The following KMT2D variants were observed in gnomAD, a reference collection of about 807,000 sequenced individuals.
KMT2D encodes lysine methyltransferase 2D, also known as histone-lysine N-methyltransferase 2D.
Under a neutral mutation model 512.7 loss-of-function variants are expected in KMT2D, and 55 were observed. That is an observed-to-expected ratio of 0.11 (90% CI 0.09 to 0.13). KMT2D has a LOEUF of 0.13. Ranked by LOEUF, KMT2D falls within the 10% of genes least tolerant of loss-of-function variation. The probability of loss-of-function intolerance (pLI) is 1.00; values close to 1 mark genes in which losing one functional copy is unlikely to be tolerated. For synonymous variants in KMT2D, 2,995 were observed against 2,904.0 expected, an observed-to-expected ratio of 1.03 and a Z score of -1.01; for missense variants, 6,061 against 7,127.9, an observed-to-expected ratio of 0.85 and a Z score of 5.39.
chr12:49,050,973 C>A lies in KMT2D; in HGVS notation c.2710G>T (p.Gly904Trp), dbSNP rs2120660961. 6.4e-7 allele frequency: 1 copy of A among 1,562,270 alleles called. No individual in the cohort carries two copies. The highest frequency in any genetic ancestry group is 1.2e-5 in the South Asian group (1 of 82,310). ...LLGEPALSEP[G>W]EPPLSPLPEE... is the part of the protein sequence containing the mutation. The stretch of plus-strand genomic sequence containing the variant: ...GGCAGAGGGGACAGAGGTGGTTCCC[C>A]AGGCTCAGACAGGGCTGGCTCTCCA... Residue 904 changes from glycine (G) to tryptophan (W), a missense_variant, in exon 11 of 55, where the codon GGG becomes TGG. Gly to Trp is a radical substitution (Grantham distance 184, BLOSUM62 -2). This residue lies in a region of KMT2D where 848 missense variants were observed against 838.5 expected (regional missense o/e 1.01). Transcript: ENST00000301067.
rs1943417407 is a variant in KMT2D, at chr12:49,039,928, C to T, written c.7842G>A (p.Ser2614=). 3.1e-6 allele frequency: 5 copies of T among 1,613,948 alleles called. No homozygotes were observed. Among genetic ancestry groups the T allele is most frequent in the East Asian group, 2.2e-5 (1 of 44,864 alleles). The stretch of plus-strand genomic sequence containing the variant: ...CGTCGGGTGCAGGTGGTGGCAGAAC[C>T]GACGGAGGGCGTAGTGGGGACAGCC... The part of the protein sequence containing the change: ...SYGLSPLRPP[S]VLPPPAPDGS... The change falls in exon 32 of 55, where the codon TCG becomes TCA. Residue 2614 remains serine (S), a synonymous_variant. Transcript: ENST00000301067. The surrounding 1 kb of genome is among the most constrained non-coding windows in gnomAD (Gnocchi z 5.0).
rs886042253 is a variant in KMT2D, at chr12:49,032,992, G to C, written c.11713C>G (p.Gln3905Glu). 1.3e-6 allele frequency: 2 copies of C among 1,551,346 alleles called. No individual in the cohort carries two copies. The highest frequency in any genetic ancestry group is 1.7e-6 in the Non-Finnish European group (2 of 1,146,938). Residue 3905 changes from glutamine (Q) to glutamate (E), a missense_variant, in exon 40 of 55, where the codon CAG becomes GAG. Gln to Glu is a conservative substitution (Grantham distance 29). Coordinates refer to ENST00000301067, the MANE Select transcript of KMT2D (RefSeq NM_003482.4). ...GSLQQLQQQQ[Q>E]LQQQQQLQQQ... ...TGAAGTTGCTGTTGCTGTTGCAGCT[G>C]CTGCTGCTGCTGAAGCTGCTGTAAA...
intron 1 of KMT2D, among the ~76,000 whole-genome samples, chr12:49,056,253 T>C (rs929724473): frequency 6.6e-6 from 1 of 151,826 alleles, no homozygotes; most frequent in African/African-American, 2.4e-5. Flanking sequence ...CACAGCGGAG[T>C]AGCTTCCTTC....
rs557789686 is a variant in KMT2D at position 49,041,249 on chromosome 12, T to C, written c.6521A>G (p.Gln2174Arg). ...GGCAGGGGCCAGTCCAAAGGGGTCC[T>C]GCGAAGGCACTTGGGCGGGCACCTG... ...PPQVPAQVPS[Q>R]DPFGLAPAYP... Residue 2174 changes from glutamine (Q) to arginine (R), a missense_variant, in exon 32 of 55, where the codon CAG (glutamine) becomes CGG (arginine). By Grantham distance (43) the Gln-to-Arg change is conservative (BLOSUM62 1). Transcript: ENST00000301067. The surrounding 1 kb of genome is among the most constrained non-coding windows in gnomAD (Gnocchi z 5.4). 19 of 1,516,320 alleles carry C rather than the reference T, an allele frequency of 1.3e-5. No homozygotes were observed. The African/African-American group carries it at 1.4e-4, about 11-fold the overall frequency. 93.9% of individuals were successfully genotyped at this position (1,516,320 alleles called of 1,614,324 possible).
chr12:49,045,505 G>C (rs1450874631), intron 19 of KMT2D, among the ~76,000 whole-genome samples: 1 of 152,080 alleles, frequency 6.6e-6, no homozygotes, highest in African/African-American at 2.4e-5. Flanking sequence ...TTAGCCGGGC[G>C]TGGTGGCGGG....
intron 35 of KMT2D, chr12:49,035,712 A>T (rs4760656): frequency 0.068 from 10,420 of 152,246 alleles, 721 homozygotes; most frequent in East Asian, 0.27. Context: ...GGTGCCCACC[A>T]CCAAGCCCAG....
At chr12:49,043,049 A>T in intron 26 of KMT2D, 27 bp downstream of exon 26, 2 of 1,594,636 alleles carry the variant, frequency 1.3e-6, no homozygotes, top group Non-Finnish European at 1.7e-6. Context: ...ACCCTTATAC[A>T]CAAAGAGGTA....
chr12:49,042,335 G>A lies in KMT2D; in HGVS notation c.5868-5C>T, dbSNP rs994529410. 2.0e-6 allele frequency: 3 copies of A among 1,520,556 alleles called. No individual in the cohort carries two copies. The highest frequency in any genetic ancestry group is 2.6e-6 in the Non-Finnish European group (3 of 1,133,608). The allele number at this position is 1,520,556 out of a possible 1,614,324, so 94.2% of individuals were successfully genotyped here. The stretch of plus-strand genomic sequence containing the variant: ...CTAAAGAAGCCCCCGCGCTCCCTGG[G>A]GCGCAGGGGCAGAGAGTCACAGGGC... On this transcript the variant is annotated splice_polypyrimidine_tract_variant and splice_region_variant and intron_variant, in intron 28 of 54. Transcript: ENST00000301067. The surrounding 1 kb of genome is among the most constrained non-coding windows in gnomAD (Gnocchi z 4.4).
In KMT2D at chr12:49,049,983, G is replaced by C. The variant is rs747921403; in HGVS notation, c.3605C>G (p.Ser1202Cys). The C allele has an allele frequency of 1.2e-6, 2 of 1,613,942 alleles. No homozygotes were observed. Among genetic ancestry groups the C allele is most frequent in the South Asian group, 2.2e-5 (2 of 91,078 alleles). ...ATTAGAGATCTCGTTAACGATGTCG[G>C]ATTTGATGAGAGTGGGTGGTGTGGG... ...VAPTPPTLIKSDIVNEISNLS... is the reference protein window; with the variant it reads ...VAPTPPTLIKCDIVNEISNLS... The change falls in exon 12 of 55, where the codon TCC (serine) becomes TGC (cysteine). Residue 1202 changes from serine to cysteine, a missense_variant. Physicochemically the swap from Ser to Cys is moderately radical, Grantham distance 112. Coordinates refer to ENST00000301067, the MANE Select transcript of KMT2D (RefSeq NM_003482.4).
Position 49,037,597 on chromosome 12 carries a change from C to T in KMT2D, c.9759G>A (p.Leu3253=), listed in dbSNP as rs1943283913. The change falls in exon 35 of 55, where the codon TTG becomes TTA. Residue 3253 remains leucine, a synonymous_variant. Coordinates refer to ENST00000301067, the MANE Select transcript of KMT2D (RefSeq NM_003482.4). The part of the protein sequence containing the change: ...SELPLLIEDL[L]EHEKKELQKK... ...TCTGCAGCTCCTTCTTCTCATGCTCCAACAGGTCCTCAATGAGCAGGGGTA... is the reference window on the plus strand; with the variant it reads ...TCTGCAGCTCCTTCTTCTCATGCTCTAACAGGTCCTCAATGAGCAGGGGTA... 6.4e-7 allele frequency: 1 copy of T among 1,556,862 alleles called. No homozygotes were observed. The highest frequency in any genetic ancestry group is 8.7e-7 in the Non-Finnish European group (1 of 1,150,056).
Position 49,038,368 on chromosome 12 carries a change from A to G in KMT2D, c.8988T>C (p.Asp2996=), listed in dbSNP as rs1362853155. Residue 2996 remains aspartate (D), a synonymous_variant, in exon 35 of 55, where the codon GAT becomes GAC. Coordinates refer to ENST00000301067, the MANE Select transcript of KMT2D (RefSeq NM_003482.4). This position sits in a 1 kb window ranked among gnomAD's most constrained non-coding sequence, Gnocchi z 5.7. ...CCTCTAGGGCCTTGTGGGCATCAAA[A>G]TCGTCATCCAGCTCGGGATCCTCAC... is the stretch of plus-strand genomic sequence containing the variant. The part of the protein sequence containing the change: ...LPCEDPELDD[D]FDAHKALEDD... 9 of 1,613,666 alleles carry G rather than the reference A, an allele frequency of 5.6e-6. No homozygotes were observed. The highest frequency in any genetic ancestry group is 7.6e-6 in the Non-Finnish European group (9 of 1,179,874).
At chr12:49,052,540 C>A (rs1264412417) in intron 10 of KMT2D, 24 bp downstream of exon 10, 1 of 1,609,372 alleles carries the variant, frequency 6.2e-7, no homozygotes, top group Admixed American at 1.7e-5. Flanking sequence ...GGATGAATTT[C>A]AGGGACCCTC....
chr12:49,029,684 T>G (rs969180362), intron 43 of KMT2D, among the ~76,000 whole-genome samples: 15 of 151,508 alleles, frequency 9.9e-5, no homozygotes, highest in South Asian at 6.2e-4. Flanking sequence ...TTTGTTTTTT[T>G]TTTTTTTTTC....
At position 49,033,745 on chromosome 12, in the gene KMT2D, C is replaced by G; in HGVS notation, c.10960G>C (p.Gly3654Arg). The change falls in exon 40 of 55, where the codon GGT becomes CGT. Residue 3654 changes from glycine (G) to arginine (R), a missense_variant. By Grantham distance (125) the Gly-to-Arg change is moderately radical. Coordinates refer to ENST00000301067, the MANE Select transcript of KMT2D (RefSeq NM_003482.4). ...PQGPPGGQAG[G>R]LRLTPGGMAL... ...ATACCCCCAGGGGTCAGGCGAAGAC[C>G]TCCGGCTTGCCCACCCGGAGGCCCC... The G allele has an allele frequency of 6.2e-7, 1 of 1,612,950 alleles. No individual in the cohort carries two copies. Among genetic ancestry groups the G allele is most frequent in the Non-Finnish European group, 8.5e-7 (1 of 1,179,628 alleles).
Position 49,039,028 on chromosome 12 carries a change from T to A in KMT2D, c.8367-39A>T, listed in dbSNP as rs2120508128. 1 of 1,548,670 alleles carries A rather than the reference T, an allele frequency of 6.5e-7. No individual in the cohort carries two copies. The highest frequency in any genetic ancestry group is 2.0e-5 in the Admixed American group (1 of 51,154). ...CAGTAGTCAGTAGGATGAAATCAGA[T>A]GAAAAGGAGCAAGAACATGGGCTTA... On this transcript the variant is annotated intron_variant, in intron 34 of 54. Transcript: ENST00000301067. This position sits in a 1 kb window ranked among gnomAD's most constrained non-coding sequence, Gnocchi z 5.0.
rs755192379 is a variant in KMT2D, at chr12:49,031,177, C to G, written c.13528G>C (p.Glu4510Gln). 3.1e-5 allele frequency: 50 copies of G among 1,607,524 alleles called. No homozygotes were observed. The highest frequency in any genetic ancestry group is 4.3e-5 in the Non-Finnish European group (50 of 1,175,934). The change falls in exon 40 of 55, where the codon GAG becomes CAG. Residue 4510 changes from glutamate to glutamine, a missense_variant and splice_region_variant. Physicochemically the swap from Glu to Gln is conservative, Grantham distance 29. This residue lies in a region of KMT2D where 1,600 missense variants were observed against 1,754.9 expected (regional missense o/e 0.91). Coordinates refer to ENST00000301067, the MANE Select transcript of KMT2D (RefSeq NM_003482.4). Reference sequence around the variant, plus strand: ...TCCACTCTACTCAGAGTACTCACCTCCTTGTTGCTGGGGGTACCCTGTAGT... The same window carrying G: ...TCCACTCTACTCAGAGTACTCACCTGCTTGTTGCTGGGGGTACCCTGTAGT... ...QKLQGTPSNKEDAAARKPLTP... is the reference protein window; with the variant it reads ...QKLQGTPSNKQDAAARKPLTP...
chr12:49,041,865 T>C lies in KMT2D; in HGVS notation c.6183+52A>G. On this transcript the variant is annotated intron_variant, in intron 30 of 54. Transcript: ENST00000301067. The surrounding 1 kb of genome is among the most constrained non-coding windows in gnomAD (Gnocchi z 5.4). ...AGAACTGAGGTAAATTACCCAAAGATCCCTCCCTCCCTCTCAGTTCCCACG... is the reference window on the plus strand; with the variant it reads ...AGAACTGAGGTAAATTACCCAAAGACCCCTCCCTCCCTCTCAGTTCCCACG... The C allele has an allele frequency of 2.6e-6, 4 of 1,545,354 alleles. No homozygotes were observed. The highest frequency in any genetic ancestry group is 2.6e-6 in the Non-Finnish European group (3 of 1,135,926).
At chr12:49,053,139 T>C in intron 8 of KMT2D, 67 bp from the exon 9 acceptor site, 4 of 1,611,640 alleles carry the variant, frequency 2.5e-6, no homozygotes, top group Non-Finnish European at 3.4e-6. Flanking sequence ...AGTACACAAC[T>C]TGTCAAGACA....
Position 49,040,170 on chromosome 12 carries a change from T to C in KMT2D, c.7600A>G (p.Met2534Val), listed in dbSNP as rs2120523445. Reference sequence around the variant, plus strand: ...ACTGCCTGAGGGAAAGTGAAACGCATGGGAGAGGGGGTGCCCACAAATGCA... The same window carrying C: ...ACTGCCTGAGGGAAAGTGAAACGCACGGGAGAGGGGGTGCCCACAAATGCA... ...TGAFVGTPSP[M>V]RFTFPQAVGE... The change falls in exon 32 of 55, where the codon ATG becomes GTG. Residue 2534 changes from methionine (M) to valine (V), a missense_variant. By Grantham distance (21) the Met-to-Val change is conservative. Coordinates refer to ENST00000301067, the MANE Select transcript of KMT2D (RefSeq NM_003482.4). The C allele has an allele frequency of 1.2e-6, 2 of 1,613,556 alleles. No homozygotes were observed. Among genetic ancestry groups the C allele is most frequent in the Admixed American group, 1.7e-5 (1 of 60,022 alleles).
Sources: allele counts gnomAD v4.1 joint callset (sites outside exome capture counted in the v4.1 genomes callset), GRCh38; gene constraint gnomAD v4.1.1; regional missense constraint gnomAD v4.1.1; non-coding constraint Gnocchi (gnomAD v3.1); transcripts MANE v1.5; gene names NCBI Gene and HGNC (gene_info 2026-07-23, HGNC 2026-07-21).